The following MGAT4C variants were observed in gnomAD, a reference collection of about 807,000 sequenced individuals.
The protein encoded by MGAT4C is alpha-1,3-mannosyl-glycoprotein 4-beta-N-acetylglucosaminyltransferase C.
Under a neutral mutation model 40.1 loss-of-function variants are expected in MGAT4C, and 19 were observed. The observed-to-expected ratio is 0.47, with a 90% confidence interval of 0.33 to 0.70. MGAT4C has a LOEUF of 0.70. Among genes scored for constraint, MGAT4C ranks in the 30% least tolerant of loss-of-function variants. The probability of loss-of-function intolerance (pLI) is 0.02; values close to 1 mark genes in which losing one functional copy is unlikely to be tolerated. For missense variants in MGAT4C, 491 were observed against 563.2 expected (o/e 0.87, Z 1.30); for synonymous variants, 181 against 187.1 (o/e 0.97, Z 0.27).
chr12:86,709,103 G>C (rs1467283044), intron 2 of MGAT4C, among the ~76,000 whole-genome samples: 1 of 152,070 alleles, frequency 6.6e-6, no homozygotes, highest in Admixed American at 6.6e-5. Context: ...TTTTGAGAGG[G>C]ACCCAGTGGG....
intron 1 of MGAT4C, among the ~76,000 whole-genome samples, chr12:86,206,253 T>A (rs1477834081): frequency 6.6e-6 from 1 of 152,174 alleles, no homozygotes; most frequent in African/African-American, 2.4e-5. Context: ...GTTATCCTTT[T>A]TGAAATAATA....
intron 1 of MGAT4C, among the ~76,000 whole-genome samples, chr12:86,244,312 G>A (rs1372355436): frequency 6.6e-6 from 1 of 152,172 alleles, no homozygotes; most frequent in African/African-American, 2.4e-5. Flanking sequence ...GATGTAAGTT[G>A]TTTTACCAAC....
chr12:86,152,791 T>TA (rs1884457512), intron 1 of MGAT4C, among the ~76,000 whole-genome samples: 1 of 152,216 alleles, frequency 6.6e-6, no homozygotes, highest in Non-Finnish European at 1.5e-5. Flanking sequence ...TGTTAACACA[T>TA]ATGCATTTTT....
rs567287139 is a variant in MGAT4C at position 86,182,145 on chromosome 12, A to C, written c.-57+74094T>G. Among the ~76,000 whole-genome samples the C allele has an allele frequency of 2.6e-5, 4 of 152,268 alleles. No homozygotes were observed. In the South Asian group the frequency reaches 8.3e-4, roughly 32 times the overall value. On this transcript the variant is annotated intron_variant, in intron 1 of 4. Coordinates refer to ENST00000611864, the MANE Select transcript of MGAT4C (RefSeq NM_001351288.2). Reference sequence around the variant, plus strand: ...CCCATCCTCTTGGACATTGAATAAAATGATTACTGTGAATATCAACATTTT... The same window carrying C: ...CCCATCCTCTTGGACATTGAATAAACTGATTACTGTGAATATCAACATTTT...
intron 2 of MGAT4C, among the ~76,000 whole-genome samples, chr12:86,485,273 G>T (rs1958001145): frequency 6.6e-6 from 1 of 152,068 alleles, no homozygotes; most frequent in African/African-American, 2.4e-5. Flanking sequence ...TCAGAATCTG[G>T]ATGACAAATA....
At chr12:86,195,641 T>C (rs1034766996) in intron 1 of MGAT4C, among the ~76,000 whole-genome samples, 3 of 152,176 alleles carry the variant, frequency 2.0e-5, no homozygotes, top group Admixed American at 6.5e-5. Context: ...CTATAGATCA[T>C]ACCTAATATT....
At chr12:86,288,380 G>A (rs1243358265) in intron 4 of MGAT4C, among the ~76,000 whole-genome samples, 1 of 152,072 alleles carries the variant, frequency 6.6e-6, no homozygotes, top group Non-Finnish European at 1.5e-5. Context: ...TTTGGCTTTT[G>A]TTGCCATTAC....
intron 1 of MGAT4C, among the ~76,000 whole-genome samples, chr12:86,147,838 T>A (rs1883749173): frequency 6.6e-6 from 1 of 152,168 alleles, no homozygotes; most frequent in Non-Finnish European, 1.5e-5. Flanking sequence ...CACTGTAAAT[T>A]ATGATATATA....
chr12:86,758,142 T>C (rs537852539), intron 1 of MGAT4C, among the ~76,000 whole-genome samples: 3 of 152,278 alleles, frequency 2.0e-5, no homozygotes, highest in African/African-American at 7.2e-5. Flanking sequence ...GAGCTTCTAC[T>C]GAAACTCAAC....
At position 85,958,794 on chromosome 12, in the gene MGAT4C, A is replaced by G. The variant is rs1592572676; in HGVS notation, c.*20495T>C. 6.6e-6 allele frequency: 1 copy of G among 152,192 alleles called. No homozygotes were observed. The highest frequency in any genetic ancestry group is 1.9e-4 in the East Asian group (1 of 5,176). 9.4% of individuals were successfully genotyped at this position (152,192 alleles called of 1,614,324 possible). On this transcript the variant is annotated 3_prime_UTR_variant, in exon 5 of 5. Coordinates refer to ENST00000611864, the MANE Select transcript of MGAT4C (RefSeq NM_001351288.2). ...AAATTAAAGCTCCTTCAAAAACATA[A>G]ATGTATTCTTTAGAGAGTTAAAAAA...
intron 2 of MGAT4C, among the ~76,000 whole-genome samples, chr12:86,552,223 T>C (rs1036025915): frequency 1.3e-5 from 2 of 152,036 alleles, no homozygotes; most frequent in African/African-American, 4.8e-5. Flanking sequence ...ACTATTATTT[T>C]TATTACTCAC....
intron 2 of MGAT4C, among the ~76,000 whole-genome samples, chr12:86,456,397 A>T (rs780112833): frequency 9.2e-5 from 14 of 152,080 alleles, no homozygotes; most frequent in Non-Finnish European, 1.8e-4. Context: ...GTGGATAGTA[A>T]ATGGCAGCCT....
At chr12:86,073,772 T>TCA (rs1869084850) in intron 1 of MGAT4C, among the ~76,000 whole-genome samples, 1 of 152,240 alleles carries the variant, frequency 6.6e-6, no homozygotes, top group Non-Finnish European at 1.5e-5. Context: ...ACTAGCTTGC[T>TCA]TTTGATATTA....
intron 2 of MGAT4C, among the ~76,000 whole-genome samples, chr12:86,645,624 C>T (rs1305970287): frequency 1.3e-5 from 2 of 151,832 alleles, no homozygotes; most frequent in Non-Finnish European, 1.5e-5. Context: ...GTATTCAGGG[C>T]AGTGGAATTA....
Position 85,980,051 on chromosome 12 carries a change from A to G in MGAT4C, c.675T>C (p.Asp225=). ...AGAAATTTTTTGAACATCGAACATC[A>G]TCTTCAAGCATTACATAATAGTCTG... is the stretch of plus-strand genomic sequence containing the variant. ...NTSDYYVMLE[D]DVRCSKNFLT... Residue 225 remains aspartate (D), a synonymous_variant, in exon 5 of 5, where the codon GAT becomes GAC. Coordinates refer to ENST00000611864, the MANE Select transcript of MGAT4C (RefSeq NM_001351288.2). The G allele has an allele frequency of 6.2e-7, 1 of 1,613,798 alleles. No individual in the cohort carries two copies. Among genetic ancestry groups the G allele is most frequent in the Non-Finnish European group, 8.5e-7 (1 of 1,179,862 alleles).
chr12:86,365,350 T>C (rs966186622), intron 3 of MGAT4C, among the ~76,000 whole-genome samples: 3 of 152,268 alleles, frequency 2.0e-5, no homozygotes, highest in African/African-American at 7.2e-5. Flanking sequence ...CAAACACACA[T>C]GCTCTACAAA....
chr12:86,428,398 AG>A (rs1385774817), intron 3 of MGAT4C, among the ~76,000 whole-genome samples: 2 of 152,176 alleles, frequency 1.3e-5, no homozygotes, highest in Non-Finnish European at 2.9e-5. Context: ...TCTGAAAAGC[AG>A]GGCTCAGTAG....
At chr12:86,786,308 AAATCTGTAGGTTTCTAACAAATGGTTG>A (rs1254429984) in intron 1 of MGAT4C, among the ~76,000 whole-genome samples, 7 of 152,140 alleles carry the variant, frequency 4.6e-5, no homozygotes, top group African/African-American at 1.4e-4. Flanking sequence ...AATCTGTTAG[AAATCTGTAGGTTTCTAACAAATGGTTG>A]AATCTGTAGG....
chr12:86,830,806 T>G (rs1386364586), intron 1 of MGAT4C, among the ~76,000 whole-genome samples: 1 of 151,812 alleles, frequency 6.6e-6, no homozygotes, highest in Non-Finnish European at 1.5e-5. Flanking sequence ...TGCTTTCTAG[T>G]TACCCTCCTC....
Sources: allele counts gnomAD v4.1 joint callset (sites outside exome capture counted in the v4.1 genomes callset), GRCh38; gene constraint gnomAD v4.1.1; transcripts MANE v1.5; gene names NCBI Gene and HGNC (gene_info 2026-07-23, HGNC 2026-07-21).